The following GFI1B variants were observed in gnomAD, a reference collection of about 807,000 sequenced individuals.
The protein encoded by GFI1B is growth factor independent 1B transcriptional repressor.
GFI1B carries 20 observed loss-of-function variants against 35.3 expected under a neutral mutation model. That is an observed-to-expected ratio of 0.57 (90% CI 0.40 to 0.82). GFI1B has a LOEUF of 0.82. Among genes scored for constraint, GFI1B ranks in the 40% least tolerant of loss-of-function variants. The pLI is 0.00. For synonymous variants in GFI1B, 178 were observed against 177.6 expected (o/e 1.00, Z -0.02); for missense variants, 430 against 446.3 (o/e 0.96, Z 0.33).
intron 1 of GFI1B, among the ~76,000 whole-genome samples, chr9:132,984,535 T>A (rs754386893): frequency 6.6e-6 from 1 of 152,222 alleles, no homozygotes; most frequent in African/African-American, 2.4e-5. Flanking sequence ...GGGAGGCTGC[T>A]GCAGCCCTTG....
intron 1 of GFI1B, among the ~76,000 whole-genome samples, chr9:132,968,847 G>T (rs140055288): frequency 1.3e-5 from 2 of 151,974 alleles, no homozygotes; most frequent in Non-Finnish European, 2.9e-5. Context: ...ATTTTTAAGC[G>T]TATAGTTCAG....
At chr9:132,959,680 G>A (rs1479696011) in intron 1 of GFI1B, among the ~76,000 whole-genome samples, 3 of 152,218 alleles carry the variant, frequency 2.0e-5, no homozygotes, top group Admixed American at 6.5e-5. Context: ...AACCCAAGGT[G>A]TCAGTCAGCA....
chr9:132,985,074 G>C (rs1231753798), intron 1 of GFI1B, among the ~76,000 whole-genome samples: 2 of 152,192 alleles, frequency 1.3e-5, no homozygotes, highest in African/African-American at 4.8e-5. Context: ...CAAGGGGTGG[G>C]GGGGTGGGAC....
chr9:132,982,345 C>T (rs1279095326), intron 1 of GFI1B, among the ~76,000 whole-genome samples: 1 of 152,200 alleles, frequency 6.6e-6, no homozygotes, highest in African/African-American at 2.4e-5. Context: ...AGACTCAACT[C>T]CTTGGGCAAC....
intron 1 of GFI1B, among the ~76,000 whole-genome samples, chr9:132,962,247 C>T (rs1213449903): frequency 8.0e-5 from 12 of 150,742 alleles, no homozygotes; most frequent in African/African-American, 2.7e-4. Context: ...AAGCAGTTCT[C>T]GTGGCTAAGC....
chr9:132,968,076 C>T (rs570576159), intron 1 of GFI1B, among the ~76,000 whole-genome samples: 2 of 148,710 alleles, frequency 1.3e-5, no homozygotes, highest in Non-Finnish European at 1.5e-5. Flanking sequence ...GCCACAGTGC[C>T]CAGCCATTCT....
At chr9:132,993,296 G>GAAACAAAC (rs918770149), downstream of GFI1B, among the ~76,000 whole-genome samples, 1 of 152,006 alleles carries the variant, frequency 6.6e-6, no homozygotes, top group Non-Finnish European at 1.5e-5. Context: ...CTCCATCTCG[G>GAAACAAAC]AAACAAACAA....
At chr9:132,987,153 C>A in intron 2 of GFI1B, 129 bp from the exon 3 acceptor site, 1 of 1,043,938 alleles carries the variant, frequency 9.6e-7, no homozygotes, top group Non-Finnish European at 1.5e-6. Flanking sequence ...GGAGTGTGAG[C>A]CGCCAGAAGC....
chr9:132,979,737 G>C (rs1424997123), intron 1 of GFI1B, among the ~76,000 whole-genome samples: 1 of 152,170 alleles, frequency 6.6e-6, no homozygotes, highest in Non-Finnish European at 1.5e-5. Flanking sequence ...AAAAAACCAA[G>C]TTTAAGTGTT....
chr9:132,991,285 A>T lies in GFI1B; in HGVS notation c.*235A>T. 1.7e-6 allele frequency: 1 copy of T among 573,488 alleles called. No homozygotes were observed. The highest frequency in any genetic ancestry group is 3.1e-6 in the Non-Finnish European group (1 of 318,578). 35.5% of individuals were successfully genotyped at this position (573,488 alleles called of 1,614,324 possible). ...GCCTGGCTGGGTCTTTCTCAGCAGAAGTTGTTTCCAGGTGTGCTCAAGTGC... is the reference window on the plus strand; with the variant it reads ...GCCTGGCTGGGTCTTTCTCAGCAGATGTTGTTTCCAGGTGTGCTCAAGTGC... On this transcript the variant is annotated 3_prime_UTR_variant, in exon 7 of 7. Coordinates refer to ENST00000372122, the MANE Select transcript of GFI1B (RefSeq NM_001377304.1).
upstream of GFI1B, among the ~76,000 whole-genome samples, chr9:132,977,634 G>A (rs1476730400): frequency 1.3e-5 from 2 of 152,124 alleles, no homozygotes; most frequent in Non-Finnish European, 2.9e-5. Flanking sequence ...AAATAAATCA[G>A]TCATCCTGCA....
In GFI1B at chr9:132,963,460, G is replaced by A. The variant is rs151032244; in HGVS notation, c.-700-9265G>A. 2.6e-4 allele frequency among the ~76,000 whole-genome samples: 40 copies of A among 152,130 alleles called. No individual in the cohort carries two copies. The East Asian group carries it at 5.0e-3, about 19-fold the overall frequency. On this transcript the variant is annotated intron_variant, in intron 1 of 10. Coordinates refer to the GFI1B transcript ENST00000339463. ...ACGCCAGATGCATTCCAGTCTGGGC[G>A]ACAGAGACAGATTCCGTCTCAAAAA... is the stretch of plus-strand genomic sequence containing the variant.
intron 1 of GFI1B, among the ~76,000 whole-genome samples, chr9:132,966,031 A>G (rs1164861304): frequency 1.3e-5 from 2 of 152,234 alleles, no homozygotes; most frequent in African/African-American, 4.8e-5. Context: ...ATGAGTTCAC[A>G]GCGATGCTGA....
chr9:132,951,442 A>C (rs1848200663), intron 1 of GFI1B: 1 of 152,284 alleles, frequency 6.6e-6, no homozygotes, highest in Non-Finnish European at 1.5e-5. Flanking sequence ...CGACCTGATC[A>C]AACCTCTCTT....
chr9:132,989,652 C>G lies in GFI1B; in HGVS notation c.649-90C>G, dbSNP rs1176884531. On this transcript the variant is annotated intron_variant, in intron 5 of 6. Coordinates refer to ENST00000372122, the MANE Select transcript of GFI1B (RefSeq NM_001377304.1). The surrounding 1 kb of genome is among the most constrained non-coding windows in gnomAD (Gnocchi z 6.2). ...CCCGGTCCTGCTCCTCCAGGCCGCC[C>G]CAATGGAGTGTCCTGTTCCGCAGGG... 1 of 1,068,424 alleles carries G rather than the reference C, an allele frequency of 9.4e-7. No homozygotes were observed. The highest frequency in any genetic ancestry group is 1.4e-6 in the Non-Finnish European group (1 of 708,666). The allele number at this position is 1,068,424 out of a possible 1,614,324, so 66.2% of individuals were successfully genotyped here. A position where few individuals can be genotyped will look rare whatever the true frequency, so the allele number is the denominator to read the frequency against.
At chr9:132,957,785 A>G (rs1848303623) in intron 1 of GFI1B, among the ~76,000 whole-genome samples, 1 of 152,140 alleles carries the variant, frequency 6.6e-6, no homozygotes, top group African/African-American at 2.4e-5. Context: ...CAAGAATGAG[A>G]AAGGCAGGAG....
At chr9:132,970,452 C>T (rs1045561259) in intron 1 of GFI1B, among the ~76,000 whole-genome samples, 7 of 152,162 alleles carry the variant, frequency 4.6e-5, no homozygotes, top group African/African-American at 4.8e-5. Context: ...CACGCACGCA[C>T]GCACACAGAG....
intron 1 of GFI1B, chr9:132,953,208 A>G (rs1026255259): frequency 6.6e-6 from 1 of 151,910 alleles, no homozygotes; most frequent in African/African-American, 2.4e-5. Context: ...TTAGAATTCC[A>G]TTTTACCACC....
At position 132,988,596 on chromosome 9, in the gene GFI1B, G is replaced by A. The variant is rs1373063927; in HGVS notation, c.510+128G>A. 9.2e-6 allele frequency: 8 copies of A among 870,608 alleles called. No individual in the cohort carries two copies. The African/African-American group carries it at 9.9e-5, about 11-fold the overall frequency. The allele number at this position is 870,608 out of a possible 1,614,324, so 53.9% of individuals were successfully genotyped here. ...TCTGGTGGGATTAAGGATTCAAAAC[G>A]TTCATCCTCATCACCATTCATTGAG... is the stretch of plus-strand genomic sequence containing the variant. On this transcript the variant is annotated intron_variant, in intron 4 of 6. Coordinates refer to ENST00000372122, the MANE Select transcript of GFI1B (RefSeq NM_001377304.1).
Sources: gnomAD v4.1 joint callset for allele counts (sites outside exome capture counted in the v4.1 genomes callset) on GRCh38, gnomAD v4.1.1 for gene constraint, Gnocchi (gnomAD v3.1) non-coding constraint, MANE v1.5 for transcripts, NCBI Gene and HGNC (gene_info 2026-07-23, HGNC 2026-07-21) for gene names.